The following CYP4V2 variants were observed in gnomAD, a reference collection of about 807,000 sequenced individuals.
CYP4V2 encodes the protein cytochrome P450 family 4 subfamily V member 2, also known as cytochrome P450 4V2.
A neutral mutation model predicts 60.8 loss-of-function variants in CYP4V2; 55 were observed. That is an observed-to-expected ratio of 0.90 (90% CI 0.73 to 1.13). The LOEUF (loss-of-function observed/expected upper bound fraction) is 1.13. Ranked by LOEUF, CYP4V2 falls within the 50% of genes most tolerant of loss-of-function variation. CYP4V2 has a pLI of 0.00. For synonymous variants in CYP4V2, 239 were observed against 236.8 expected, an observed-to-expected ratio of 1.01 and a Z score of -0.08; for missense variants, 675 against 662.9, an observed-to-expected ratio of 1.02 and a Z score of -0.20.
rs1579971482 is a variant in CYP4V2 at position 186,204,394 on chromosome 4, GT to G, written c.988-805del. 2.2e-5 allele frequency: 4 copies of G among 178,702 alleles called. 1 individual carries two copies. The highest frequency in any genetic ancestry group is 3.6e-4 in the East Asian group (2 of 5,528). The allele number at this position is 178,702 out of a possible 1,614,324, so 11.1% of individuals were successfully genotyped here. A position where few individuals can be genotyped will look rare whatever the true frequency, so the allele number is the denominator to read the frequency against. ...GCGGCGGTGGAGGCGCTACGCTGGC[GT>G]AAGAGGTGGCGGTGGAGACGTTTCG... On this transcript the variant is annotated intron_variant, in intron 7 of 10. Coordinates refer to ENST00000378802, the MANE Select transcript of CYP4V2 (RefSeq NM_207352.4).
At chr4:186,198,803 T>C (rs931773317) in intron 5 of CYP4V2, among the ~76,000 whole-genome samples, 154 bp from the exon 6 acceptor site, 6 of 152,188 alleles carry the variant, frequency 3.9e-5, no homozygotes, top group Non-Finnish European at 7.3e-5. Flanking sequence ...GCCCATGCCT[T>C]CACTGCTAAG....
rs1290861829 is a variant in CYP4V2, at chr4:186,196,035, A to G, written c.360A>G (p.Lys120=). The G allele has an allele frequency of 6.2e-7, 1 of 1,614,110 alleles. No homozygotes were observed. Among genetic ancestry groups the G allele is most frequent in the Non-Finnish European group, 8.5e-7 (1 of 1,179,978 alleles). The part of the protein sequence containing the change: ...VILTSSKQID[K]SSMYKFLEPW... Reference sequence around the variant, plus strand: ...TAACTAGTTCAAAGCAAATTGACAAATCCTCTATGTACAAGTTTTTAGAAC... The same window carrying G: ...TAACTAGTTCAAAGCAAATTGACAAGTCCTCTATGTACAAGTTTTTAGAAC... The change falls in exon 3 of 11, where the codon AAA becomes AAG. Residue 120 remains lysine (K), a synonymous_variant. Transcript: ENST00000378802.
rs1000636871 is a variant in CYP4V2 at position 186,209,340 on chromosome 4, C to A, written c.1405+68C>A. ...GATGGTGGGTTTCTCACAGTGATTT[C>A]TTTGAGATGTGATGTGACATTGCCC... On this transcript the variant is annotated intron_variant, in intron 10 of 10. Transcript: ENST00000378802. The A allele has an allele frequency of 4.4e-6, 7 of 1,594,352 alleles. No homozygotes were observed. In the African/African-American group the frequency reaches 5.4e-5, roughly 12 times the overall value.
chr4:186,209,391 T>A, intron 10 of CYP4V2, 119 bp downstream of exon 10: 1 of 1,226,496 alleles, frequency 8.2e-7, no homozygotes, highest in Non-Finnish European at 1.2e-6. Flanking sequence ...AAAAAAAAAA[T>A]AGGTGGTTTC....
chr4:186,207,793 T>G (rs1000871931), intron 8 of CYP4V2, among the ~76,000 whole-genome samples: 11 of 152,160 alleles, frequency 7.2e-5, no homozygotes, highest in Non-Finnish European at 1.6e-4. Flanking sequence ...CAGTCCCTCT[T>G]GATTCCTCCT....
chr4:186,208,813 C>A (rs1213411375), intron 8 of CYP4V2, 52 bp from the exon 9 acceptor site: 14 of 1,613,338 alleles, frequency 8.7e-6, no homozygotes, highest in Non-Finnish European at 1.1e-5. Context: ...GATGTCTGCA[C>A]CCCCAGCCCC....
At chr4:186,206,391 T>G (rs1736507816) in intron 8 of CYP4V2, among the ~76,000 whole-genome samples, 1 of 152,166 alleles carries the variant, frequency 6.6e-6, no homozygotes, top group African/African-American at 2.4e-5. Context: ...TTGCAGGGAT[T>G]AAGACCTGAT....
chr4:186,193,219 C>T (rs1736041078), intron 1 of CYP4V2, among the ~76,000 whole-genome samples: 1 of 152,162 alleles, frequency 6.6e-6, no homozygotes. Flanking sequence ...AAAAAATAAA[C>T]TGTACAAAAA....
chr4:186,197,573 T>C lies in CYP4V2; in HGVS notation c.645T>C (p.Asp215=). The C allele has an allele frequency of 6.2e-7, 1 of 1,614,266 alleles. No homozygotes were observed. The highest frequency in any genetic ancestry group is 2.2e-5 in the East Asian group (1 of 44,888). The change falls in exon 5 of 11, where the codon GAT becomes GAC. Residue 215 remains aspartate, a synonymous_variant. Coordinates refer to ENST00000378802, the MANE Select transcript of CYP4V2 (RefSeq NM_207352.4). The part of the protein sequence containing the change: ...MGKNIGAQSN[D]DSEYVRAVYR... ...AGAATATTGGTGCTCAAAGTAATGA[T>C]GATTCCGAGTATGTCCGTGCAGTTT... is the stretch of plus-strand genomic sequence containing the variant.
intron 5 of CYP4V2, 76 bp downstream of exon 5, chr4:186,197,678 C>A: frequency 2.1e-6 from 3 of 1,460,528 alleles, no homozygotes; most frequent in Non-Finnish European, 2.9e-6. Flanking sequence ...ACAATTTCTG[C>A]GTTGTATCTT....
intron 6 of CYP4V2, among the ~76,000 whole-genome samples, 158 bp downstream of exon 6, chr4:186,199,241 T>G (rs1736238851): frequency 1.3e-5 from 2 of 152,246 alleles, no homozygotes; most frequent in African/African-American, 4.8e-5. Context: ...AAGTCCATGA[T>G]GTTGATGTTT....
chr4:186,196,491 C>T, intron 3 of CYP4V2: 1 of 308,172 alleles, frequency 3.2e-6, no homozygotes, highest in South Asian at 3.5e-5. Flanking sequence ...GCTCCATCCT[C>T]TGAGAGAGGG....
rs748881207 is a variant in CYP4V2 at position 186,191,823 on chromosome 4, G to A, written c.-1G>A. On this transcript the variant is annotated 5_prime_UTR_variant, in exon 1 of 11. Coordinates refer to ENST00000378802, the MANE Select transcript of CYP4V2 (RefSeq NM_207352.4). The stretch of plus-strand genomic sequence containing the variant: ...GCACCCCGCGGCCGCCAGCCGGGGC[G>A]ATGGCGGGGCTCTGGCTGGGGCTCG... The A allele has an allele frequency of 1.3e-6, 2 of 1,556,162 alleles. No individual in the cohort carries two copies. The highest frequency in any genetic ancestry group is 1.7e-6 in the Non-Finnish European group (2 of 1,157,684).
intron 7 of CYP4V2, 147 bp downstream of exon 7, chr4:186,201,489 A>G (rs1736306042): frequency 2.1e-6 from 2 of 971,524 alleles, no homozygotes. Context: ...ACAAAATTTA[A>G]GAAACTGATT....
chr4:186,196,820 G>A (rs1438528515), intron 3 of CYP4V2, 120 bp from the exon 4 acceptor site: 1 of 970,300 alleles, frequency 1.0e-6, no homozygotes, highest in East Asian at 2.6e-5. Flanking sequence ...AGATGAAGCT[G>A]TTTCAGGAGA....
chr4:186,206,344 A>G (rs1736505388), intron 8 of CYP4V2, among the ~76,000 whole-genome samples: 1 of 152,214 alleles, frequency 6.6e-6, no homozygotes, highest in Middle Eastern at 3.2e-3. Flanking sequence ...AAATCTGCCA[A>G]GAGTTCTCTT....
rs1736129949 is a variant in CYP4V2, at chr4:186,195,738, G to T, written c.328-265G>T. ...TCCCCACATTAAATAACTCCACTTGGTTCCTGGTTTATGGCGGGAACCAGA... is the reference window on the plus strand; with the variant it reads ...TCCCCACATTAAATAACTCCACTTGTTTCCTGGTTTATGGCGGGAACCAGA... On this transcript the variant is annotated intron_variant, in intron 2 of 10. Transcript: ENST00000378802. This position sits in a 1 kb window ranked among gnomAD's most constrained non-coding sequence, Gnocchi z 4.1. 1.3e-5 allele frequency among the ~76,000 whole-genome samples: 2 copies of T among 151,928 alleles called. No homozygotes were observed. The highest frequency in any genetic ancestry group is 1.3e-4 in the Admixed American group (2 of 15,270).
Position 186,194,539 on chromosome 4 carries a change from G to T in CYP4V2, c.254G>T (p.Arg85Leu). The change falls in exon 2 of 11, where the codon CGC becomes CTC. Residue 85 changes from arginine (R) to leucine (L), a missense_variant. By Grantham distance (102) the Arg-to-Leu change is moderately radical (BLOSUM62 -2). Transcript: ENST00000378802. ...ATCATTGAGTACACAGAGGAATACC[G>T]CCACATGCCGCTGCTGAAGCTCTGG... is the stretch of plus-strand genomic sequence containing the variant. Reference protein sequence around the residue: ...QQIIEYTEEYRHMPLLKLWVG... With the variant: ...QQIIEYTEEYLHMPLLKLWVG... 1 of 1,614,118 alleles carries T rather than the reference G, an allele frequency of 6.2e-7. No homozygotes were observed. Among genetic ancestry groups the T allele is most frequent in the Non-Finnish European group, 8.5e-7 (1 of 1,180,002 alleles).
chr4:186,196,451 A>G (rs1332171666), intron 3 of CYP4V2: 3 of 343,564 alleles, frequency 8.7e-6, no homozygotes, highest in African/African-American at 6.3e-5. Context: ...AGCCCCAGAG[A>G]AGTACAGTGA....
Sources: allele counts gnomAD v4.1 joint callset (sites outside exome capture counted in the v4.1 genomes callset), GRCh38; gene constraint gnomAD v4.1.1; non-coding constraint Gnocchi (gnomAD v3.1); transcripts MANE v1.5; gene names NCBI Gene and HGNC (gene_info 2026-07-23, HGNC 2026-07-21).